NPC1: variants seen among roughly 807,000 people sequenced by gnomAD.
NPC1 encodes the protein Niemann-Pick C1 protein.
Under a neutral mutation model 140.4 loss-of-function variants are expected in NPC1, and 85 were observed. That is an observed-to-expected ratio of 0.61 (90% CI 0.51 to 0.72). The LOEUF is 0.72. Ranked by LOEUF, NPC1 falls within the 30% of genes least tolerant of loss-of-function variation. The probability of loss-of-function intolerance (pLI) is 0.00; values close to 1 mark genes in which losing one functional copy is unlikely to be tolerated. For synonymous variants in NPC1, 656 were observed against 624.8 expected (o/e 1.05, Z -0.74); for missense variants, 1,504 against 1,623.8 (o/e 0.93, Z 1.27).
chr18:23,579,458 C>T (rs1189930997), intron 1 of NPC1, among the ~76,000 whole-genome samples: 1 of 152,138 alleles, frequency 6.6e-6, no homozygotes, highest in African/African-American at 2.4e-5. Context: ...TTAGTAGTTA[C>T]ACAGCTAAAG....
chr18:23,570,065 A>T (rs142223996), intron 3 of NPC1, among the ~76,000 whole-genome samples: 596 of 152,306 alleles, frequency 3.9e-3, no homozygotes, highest in Admixed American at 7.1e-3. Context: ...AGTGAAGGAG[A>T]CAGAGAAGCA....
chr18:23,548,331 G>C (rs1598962445), intron 10 of NPC1, among the ~76,000 whole-genome samples: 1 of 146,628 alleles, frequency 6.8e-6, no homozygotes, highest in African/African-American at 2.7e-5. Context: ...CATTCAGGAA[G>C]AGTAACTCTT....
intron 11 of NPC1, among the ~76,000 whole-genome samples, chr18:23,545,753 G>A (rs1026503127): frequency 1.3e-5 from 2 of 152,020 alleles, no homozygotes; most frequent in African/African-American, 2.4e-5. Context: ...CCCCATGCCT[G>A]GCTAATTTTA....
intron 1 of NPC1, among the ~76,000 whole-genome samples, chr18:23,577,806 C>G (rs529582308): frequency 2.2e-4 from 33 of 152,376 alleles, no homozygotes; most frequent in Non-Finnish European, 2.6e-4. Flanking sequence ...AGCGAGAAAT[C>G]GAGCGCAGCG....
chr18:23,544,486 A>T lies in NPC1; in HGVS notation c.1988T>A (p.Ile663Asn), dbSNP rs749059481. ...GGAGCAAGCCACCGAGCTCAGCACG[A>T]TCAAGATGCCCGCGATGCCTAGTGA... ...KVSLGIAGIL[I>N]VLSSVACSLG... Residue 663 changes from isoleucine (I) to asparagine (N), a missense_variant, in exon 13 of 25, where the codon ATC becomes AAC. By Grantham distance (149) the Ile-to-Asn change is moderately radical (BLOSUM62 -3). Transcript: ENST00000269228. 1 of 1,614,242 alleles carries T rather than the reference A, an allele frequency of 6.2e-7. No homozygotes were observed. Among genetic ancestry groups the T allele is most frequent in the Non-Finnish European group, 8.5e-7 (1 of 1,180,042 alleles).
chr18:23,511,619 AAG>A (rs998245838), intron 3 of NPC1, among the ~76,000 whole-genome samples: 24 of 152,312 alleles, frequency 1.6e-4, no homozygotes, highest in African/African-American at 5.3e-4. Context: ...TTTTAACAAA[AAG>A]GGGAATGTTG....
At position 23,532,068 on chromosome 18, in the gene NPC1, G is replaced by A. The variant is rs556959124; in HGVS notation, c.*134C>T. The A allele has an allele frequency of 1.8e-5, 29 of 1,606,252 alleles. No homozygotes were observed. The East Asian group carries it at 2.7e-4, about 15-fold the overall frequency. On this transcript the variant is annotated 3_prime_UTR_variant, in exon 25 of 25. Coordinates refer to ENST00000269228, the MANE Select transcript of NPC1 (RefSeq NM_000271.5). Reference sequence around the variant, plus strand: ...GCATTCCTGAGTTCACAGGCGCTACGTTCAAAGCTGCTGCCAAACAACCGA... The same window carrying A: ...GCATTCCTGAGTTCACAGGCGCTACATTCAAAGCTGCTGCCAAACAACCGA...
chr18:23,560,568 GAAATACATA>G (rs1460091016), intron 5 of NPC1, 88 bp from the exon 6 acceptor site: 3 of 1,331,526 alleles, frequency 2.3e-6, no homozygotes, highest in African/African-American at 2.9e-5. Flanking sequence ...AAAGCCCACT[GAAATACATA>G]AAACAACTGA....
chr18:23,568,633 C>A (rs113021746), intron 4 of NPC1, among the ~76,000 whole-genome samples, 190 bp downstream of exon 4: 3 of 152,038 alleles, frequency 2.0e-5, no homozygotes, highest in Non-Finnish European at 4.4e-5. Flanking sequence ...TTAAAGCAAG[C>A]GCTTTAAGGA....
chr18:23,558,656 G>T (rs1019014232), intron 6 of NPC1, among the ~76,000 whole-genome samples: 23 of 152,248 alleles, frequency 1.5e-4, no homozygotes, highest in African/African-American at 5.5e-4. Flanking sequence ...AAGATCTCTG[G>T]TTTAGCTAAT....
downstream of NPC1, among the ~76,000 whole-genome samples, chr18:23,517,867 G>A (rs1038991140): frequency 7.9e-5 from 12 of 152,228 alleles, no homozygotes; most frequent in Non-Finnish European, 1.6e-4. Context: ...ACAGGCGCAT[G>A]CCACCACATC....
chr18:23,572,013 G>C, intron 3 of NPC1, 61 bp downstream of exon 3: 1 of 961,934 alleles, frequency 1.0e-6, no homozygotes, highest in Non-Finnish European at 1.7e-6. Context: ...ATGGAAAGCT[G>C]AGCATTACCA....
At chr18:23,511,577 T>A (rs1350788342) in intron 3 of NPC1, among the ~76,000 whole-genome samples, 2 of 152,166 alleles carry the variant, frequency 1.3e-5, no homozygotes, top group African/African-American at 4.8e-5. Flanking sequence ...TGGTGCATAT[T>A]CCTCTATTTT....
Position 23,539,380 on chromosome 18 carries a change from G to C in NPC1, c.2886C>G (p.Ile962Met). 1 of 1,613,370 alleles carries C rather than the reference G, an allele frequency of 6.2e-7. No homozygotes were observed. Residue 962 changes from isoleucine to methionine, a missense_variant, in exon 19 of 25, where the codon ATC becomes ATG. Physicochemically the swap from Ile to Met is conservative, Grantham distance 10. Coordinates refer to ENST00000269228, the MANE Select transcript of NPC1 (RefSeq NM_000271.5). ...PQSSCCRVDN[I>M]TDQFCNASVV... Reference sequence around the variant, plus strand: ...CTGAAGCATTGCAGAACTGGTCAGTGATATTGTCCACTCGACAGCAAGACG... The same window carrying C: ...CTGAAGCATTGCAGAACTGGTCAGTCATATTGTCCACTCGACAGCAAGACG...
At chr18:23,549,927 T>G (rs1053383878) in intron 10 of NPC1, among the ~76,000 whole-genome samples, 19 of 151,174 alleles carry the variant, frequency 1.3e-4, no homozygotes, top group African/African-American at 4.6e-4. Flanking sequence ...GTATTTTCAG[T>G]AGAGACAGGG....
At chr18:23,559,333 C>T (rs564478746) in intron 6 of NPC1, among the ~76,000 whole-genome samples, 3 of 152,116 alleles carry the variant, frequency 2.0e-5, no homozygotes, top group Admixed American at 2.0e-4. Flanking sequence ...TAAGGATACA[C>T]ATAAATTCTA....
Position 23,544,554 on chromosome 18 carries a change from A to G in NPC1, c.1948-28T>C, listed in dbSNP as rs768279241. On this transcript the variant is annotated intron_variant, in intron 12 of 24. Coordinates refer to ENST00000269228, the MANE Select transcript of NPC1 (RefSeq NM_000271.5). ...GAGAGAGGCGACAGACACAATCACC[A>G]ATTAGTTACAGGGTTGTCTGTCCCA... is the stretch of plus-strand genomic sequence containing the variant. 2.5e-6 allele frequency: 4 copies of G among 1,609,118 alleles called. No homozygotes were observed. In the East Asian group the frequency reaches 8.9e-5, roughly 36 times the overall value.
At chr18:23,577,380 T>A (rs2059299077) in intron 1 of NPC1, among the ~76,000 whole-genome samples, 1 of 150,634 alleles carries the variant, frequency 6.6e-6, no homozygotes. Context: ...TTGGTGTATT[T>A]ACAATCCTTG....
chr18:23,518,304 A>C (rs547823096), downstream of NPC1, among the ~76,000 whole-genome samples: 90 of 152,322 alleles, frequency 5.9e-4, no homozygotes, highest in African/African-American at 1.9e-3. Context: ...CAGCCCGGGC[A>C]ACATAGTGAG....
Sources: gnomAD v4.1 joint callset for allele counts (sites outside exome capture counted in the v4.1 genomes callset) on GRCh38, gnomAD v4.1.1 for gene constraint, MANE v1.5 for transcripts, NCBI Gene and HGNC (gene_info 2026-07-23, HGNC 2026-07-21) for gene names.